Variants in RIPPLY3 observed in about 807,000 individuals in gnomAD.
The protein encoded by RIPPLY3 is protein ripply3.
A neutral mutation model predicts 11.9 loss-of-function variants in RIPPLY3; 8 were observed. The observed-to-expected ratio is 0.67, with a 90% CI of 0.40 to 1.21. RIPPLY3 has a LOEUF of 1.21. Ranked by LOEUF, RIPPLY3 falls within the 50% of genes most tolerant of loss-of-function variation. The pLI is 0.01. For synonymous variants in RIPPLY3, 102 were observed against 99.0 expected (o/e 1.03, Z -0.18); for missense variants, 271 against 246.0 (o/e 1.10, Z -0.68).
At chr21:37,014,652 A>G (rs537295353) in intron 3 of RIPPLY3, among the ~76,000 whole-genome samples, 1 of 152,206 alleles carries the variant, frequency 6.6e-6, no homozygotes, top group East Asian at 1.9e-4. Context: ...ATACAACCCA[A>G]AGACACTCAT....
intron 3 of RIPPLY3, among the ~76,000 whole-genome samples, chr21:37,017,220 A>G (rs1035507032): frequency 6.6e-6 from 1 of 152,010 alleles, no homozygotes; most frequent in Admixed American, 6.6e-5. Flanking sequence ...AGCAAATCCA[A>G]AATCTTATAA....
At position 37,018,102 on chromosome 21, in the gene RIPPLY3, CATCAACCAAGGGCAGCG is replaced by C; in HGVS notation, c.472_488del (p.Asn158LeufsTer5). On this transcript the variant is annotated frameshift_variant, in exon 4 of 4. Transcript: ENST00000329553. LOFTEE classifies it low-confidence loss of function (END_TRUNC). ...CAGGGGGAAAGGGCAGAGACCAGGG[CATCAACCAAGGGCAGCG>C]ATCCTCAGGAGGGGGTGACCACTGG... is the stretch of plus-strand genomic sequence containing the variant. 1 of 1,614,054 alleles carries C rather than the reference CATCAACCAAGGGCAGCG, an allele frequency of 6.2e-7. No homozygotes were observed. The highest frequency in any genetic ancestry group is 1.1e-5 in the South Asian group (1 of 91,066).
intron 1 of RIPPLY3, 82 bp from the exon 2 acceptor site, chr21:37,008,075 A>C: frequency 6.9e-7 from 1 of 1,453,920 alleles, no homozygotes; most frequent in African/African-American, 1.4e-5. Context: ...CAGACACTGG[A>C]ACTAAGAATA....
Position 37,017,854 on chromosome 21 carries a change from A to T in RIPPLY3, c.240-20A>T. 1 of 1,582,330 alleles carries T rather than the reference A, an allele frequency of 6.3e-7. No homozygotes were observed. Among genetic ancestry groups the T allele is most frequent in the Non-Finnish European group, 8.6e-7 (1 of 1,162,960 alleles). ...CGAGGTTCAGGTTGATTAATGGTAT[A>T]TTTGTTTCTTAAATATTAGAGTCTA... On this transcript the variant is annotated intron_variant, in intron 3 of 3. Transcript: ENST00000329553.
intron 2 of RIPPLY3, among the ~76,000 whole-genome samples, chr21:37,012,231 T>C (rs546339209): frequency 1.7e-3 from 249 of 147,706 alleles, no homozygotes; most frequent in Non-Finnish European, 3.1e-3. Flanking sequence ...ATTATTATTA[T>C]TATTATTATT....
At chr21:37,015,895 T>TTTC (rs2069573258) in intron 3 of RIPPLY3, among the ~76,000 whole-genome samples, 2 of 143,460 alleles carry the variant, frequency 1.4e-5, no homozygotes, top group African/African-American at 5.6e-5. Context: ...TTTTTTTTTT[T>TTTC]CAGATATGGG....
At position 37,008,610 on chromosome 21, in the gene RIPPLY3, T is replaced by C. The variant is rs545655406; in HGVS notation, c.171+387T>C. On this transcript the variant is annotated intron_variant, in intron 2 of 3. Coordinates refer to ENST00000329553, the MANE Select transcript of RIPPLY3 (RefSeq NM_018962.3). Reference sequence around the variant, plus strand: ...CCGTCTCTACTAAAAATATAAAAATTAGCTGGGCATGGTGGCAGGCGCCTG... The same window carrying C: ...CCGTCTCTACTAAAAATATAAAAATCAGCTGGGCATGGTGGCAGGCGCCTG... Among the ~76,000 whole-genome samples, 6 of 151,816 alleles carry C rather than the reference T, an allele frequency of 4.0e-5. No homozygotes were observed. In the South Asian group the frequency reaches 1.3e-3, roughly 32 times the overall value.
chr21:37,011,554 C>T (rs1223107074), intron 2 of RIPPLY3, among the ~76,000 whole-genome samples: 6 of 152,176 alleles, frequency 3.9e-5, no homozygotes, highest in African/African-American at 1.4e-4. Context: ...TTTATAATCA[C>T]GAACAGAGCT....
At chr21:37,010,398 CAG>C (rs1328054339) in intron 2 of RIPPLY3, among the ~76,000 whole-genome samples, 35 of 152,250 alleles carry the variant, frequency 2.3e-4, no homozygotes, top group Non-Finnish European at 4.7e-4. Context: ...GATGCTGAAG[CAG>C]GAGGATCGCT....
At chr21:37,011,444 C>T (rs2069520707) in intron 2 of RIPPLY3, among the ~76,000 whole-genome samples, 1 of 152,252 alleles carries the variant, frequency 6.6e-6, no homozygotes, top group South Asian at 2.1e-4. Context: ...ACACCTGCCA[C>T]TGCCGAGTTA....
chr21:37,011,929 CAAAAAAAAAAAA>C (rs59382996), intron 2 of RIPPLY3, among the ~76,000 whole-genome samples: 4 of 47,102 alleles, frequency 8.5e-5, no homozygotes, highest in Non-Finnish European at 1.2e-4. Flanking sequence ...GACTCCGTCT[CAAAAAAAAAAAA>C]AAAAAAAAAA....
chr21:37,006,934 G>A lies in RIPPLY3; in HGVS notation c.104+58G>A. On this transcript the variant is annotated intron_variant, in intron 1 of 3. Transcript: ENST00000329553. This position sits in a 1 kb window ranked among gnomAD's most constrained non-coding sequence, Gnocchi z 5.2. ...TGAGAGGCGTGCGCGGTGGCGGTGC[G>A]GGGAGCGCAGCGAGCGGGAGGCTGG... 2 of 1,022,424 alleles carry A rather than the reference G, an allele frequency of 2.0e-6. No homozygotes were observed. Among genetic ancestry groups the A allele is most frequent in the Non-Finnish European group, 2.5e-6 (2 of 802,434 alleles). The allele number at this position is 1,022,424 out of a possible 1,614,324, so 63.3% of individuals were successfully genotyped here. A position where few individuals can be genotyped will look rare whatever the true frequency, so the allele number is the denominator to read the frequency against.
Position 37,008,140 on chromosome 21 carries a change from G to A in RIPPLY3, c.105-17G>A, listed in dbSNP as rs762392899. On this transcript the variant is annotated splice_polypyrimidine_tract_variant and intron_variant, in intron 1 of 3. Coordinates refer to ENST00000329553, the MANE Select transcript of RIPPLY3 (RefSeq NM_018962.3). ...AAGTGCCCAGGGTTCACTCTCTCCT[G>A]GCGCTTGCCGTTCCAGCCCCGCGCC... is the stretch of plus-strand genomic sequence containing the variant. The A allele has an allele frequency of 1.9e-6, 3 of 1,613,936 alleles. No individual in the cohort carries two copies. Among genetic ancestry groups the A allele is most frequent in the Non-Finnish European group, 2.5e-6 (3 of 1,179,876 alleles).
rs1179517234 is a variant in RIPPLY3 at position 37,013,560 on chromosome 21, A to G, written c.181A>G (p.Arg61Gly). The G allele has an allele frequency of 2.5e-6, 4 of 1,613,612 alleles. No homozygotes were observed. Among genetic ancestry groups the G allele is most frequent in the Non-Finnish European group, 3.4e-6 (4 of 1,179,736 alleles). The change falls in exon 3 of 4, where the codon AGG becomes GGG. Residue 61 changes from arginine to glycine, a missense_variant. Coordinates refer to ENST00000329553, the MANE Select transcript of RIPPLY3 (RefSeq NM_018962.3). ...GTGTCTGTCGTTACAGCTTGAACCT[A>G]GGGCTGACCAACACACTTTTGGATC... ...LTRTGRPLEPRADQHTFGSKG... is the reference protein window; with the variant it reads ...LTRTGRPLEPGADQHTFGSKG...
In RIPPLY3 at chr21:37,019,344, T is replaced by C. The variant is rs1041335321; in HGVS notation, c.*1137T>C. On this transcript the variant is annotated 3_prime_UTR_variant, in exon 4 of 4. Transcript: ENST00000329553. ...TAGGAGACAATTAGATAAAAATGTA[T>C]GTGATGACTGTATAAGGAGGCCTGT... The C allele has an allele frequency of 4.6e-5, 7 of 151,548 alleles. No homozygotes were observed. The highest frequency in any genetic ancestry group is 1.7e-4 in the African/African-American group (7 of 41,186). 9.4% of individuals were successfully genotyped at this position (151,548 alleles called of 1,614,324 possible).
chr21:37,012,336 C>G (rs1218723430), intron 2 of RIPPLY3, among the ~76,000 whole-genome samples: 1 of 151,910 alleles, frequency 6.6e-6, no homozygotes, highest in Non-Finnish European at 1.5e-5. Flanking sequence ...TTCCCGGGTT[C>G]AGGCGATTCT....
intron 3 of RIPPLY3, among the ~76,000 whole-genome samples, chr21:37,016,012 C>A (rs2069574786): frequency 6.6e-6 from 1 of 151,894 alleles, no homozygotes; most frequent in Admixed American, 6.6e-5. Flanking sequence ...CTGTGTCCCA[C>A]CCCAGCATAT....
intron 3 of RIPPLY3, among the ~76,000 whole-genome samples, chr21:37,016,407 G>T (rs75503820): frequency 6.6e-6 from 1 of 151,994 alleles, no homozygotes; most frequent in Non-Finnish European, 1.5e-5. Flanking sequence ...TTATAGAAGG[G>T]TGTTTTCTCT....
intron 2 of RIPPLY3, among the ~76,000 whole-genome samples, chr21:37,010,003 CGACGAGAG>C (rs2069504281): frequency 6.6e-6 from 1 of 152,194 alleles, no homozygotes; most frequent in Non-Finnish European, 1.5e-5. Context: ...TGCAGTCCAC[CGACGAGAG>C]CTGCCCAGCG....
Sources: gnomAD v4.1 joint callset for allele counts (sites outside exome capture counted in the v4.1 genomes callset) on GRCh38, gnomAD v4.1.1 for gene constraint, Gnocchi (gnomAD v3.1) non-coding constraint, MANE v1.5 for transcripts, NCBI Gene and HGNC (gene_info 2026-07-23, HGNC 2026-07-21) for gene names.